MUC5AC: variants seen among roughly 807,000 people sequenced by gnomAD.
The protein encoded by MUC5AC is mucin 5AC, oligomeric mucus/gel-forming, also known as mucin-5AC.
MUC5AC carries 158 observed loss-of-function variants against 169.7 expected under a neutral mutation model. The observed-to-expected ratio is 0.93, with a 90% CI of 0.82 to 1.06. MUC5AC has a LOEUF of 1.06. Among genes scored for constraint, MUC5AC ranks in the 50% least tolerant of loss-of-function variants. The pLI, the probability that MUC5AC is intolerant of heterozygous loss-of-function variation, is 0.00. For synonymous variants in MUC5AC, 1,975 were observed against 1,237.0 expected (o/e 1.60, Z -12.52); for missense variants, 4,359 against 3,089.9 (o/e 1.41, Z -9.74).
Position 1,192,300 on chromosome 11 carries a change from G to A in MUC5AC, c.14155G>A (p.Glu4719Lys), listed in dbSNP as rs578104434. Residue 4719 changes from glutamate to lysine, a missense_variant, in exon 31 of 49, where the codon GAG (glutamate) becomes AAG (lysine). Glu to Lys is a moderately conservative substitution (Grantham distance 56). Transcript: ENST00000621226. ...ACCCTTCAAGATGTGCCTCAACTAC[G>A]AGGTGCGCGTGCTCTGCTGCGAGAC... ...QGPFKMCLNY[E>K]VRVLCCETPR... is the part of the protein sequence containing the mutation. 2.8e-3 allele frequency: 2,150 copies of A among 765,078 alleles called. 10 individuals are homozygous for A. The highest frequency in any genetic ancestry group is 8.3e-3 in the Middle Eastern group (37 of 4,440). The allele number at this position is 765,078 out of a possible 1,614,324, so 47.4% of individuals were successfully genotyped here. A position where few individuals can be genotyped will look rare whatever the true frequency, so the allele number is the denominator to read the frequency against.
At position 1,162,533 on chromosome 11, in the gene MUC5AC, G is replaced by A. The variant is rs910378049; in HGVS notation, c.475G>A (p.Val159Ile). Residue 159 changes from valine (V) to isoleucine (I), a missense_variant and splice_region_variant, in exon 5 of 49, where the codon GTC (valine) becomes ATC (isoleucine). By Grantham distance (29) the Val-to-Ile change is conservative. Coordinates refer to ENST00000621226, the MANE Select transcript of MUC5AC (RefSeq NM_001304359.2). ...KGSVLVNGHP[V>I]LLPFSQSGVL... ...CCTCAGCCCTGCCTTCCTCCACAGGGTCCTGCTGCCCTTCAGCCAGTCTGG... is the reference window on the plus strand; with the variant it reads ...CCTCAGCCCTGCCTTCCTCCACAGGATCCTGCTGCCCTTCAGCCAGTCTGG... The A allele has an allele frequency of 5.0e-6, 8 of 1,612,158 alleles. No individual in the cohort carries two copies. The African/African-American group carries it at 6.7e-5, about 13-fold the overall frequency.
At chr11:1,170,914 C>CAT (rs1860494266) in intron 15 of MUC5AC, among the ~76,000 whole-genome samples, 2 of 133,146 alleles carry the variant, frequency 1.5e-5, no homozygotes, top group African/African-American at 2.9e-5. Flanking sequence ...ACTCACTCAC[C>CAT]TCACTCACTC....
Position 1,192,957 on chromosome 11 carries a change from G to A in MUC5AC, c.14555G>A (p.Cys4852Tyr), listed in dbSNP as rs779331670. 1 of 732,268 alleles carries A rather than the reference G, an allele frequency of 1.4e-6. No individual in the cohort carries two copies. Among genetic ancestry groups the A allele is most frequent in the Non-Finnish European group, 2.5e-6 (1 of 398,698 alleles). 45.4% of individuals were successfully genotyped at this position (732,268 alleles called of 1,614,324 possible). A position where few individuals can be genotyped will look rare whatever the true frequency, so the allele number is the denominator to read the frequency against. The stretch of plus-strand genomic sequence containing the variant: ...TCCGAGCCCGTCACTGAGCTGGGAT[G>A]CCCAAATGCGGTTCCCCCCAGAAAG... ...STSEPVTELG[C>Y]PNAVPPRKKG... Residue 4852 changes from cysteine (C) to tyrosine (Y), a missense_variant, in exon 32 of 49, where the codon TGC becomes TAC. Transcript: ENST00000621226.
intron 1 of MUC5AC, among the ~76,000 whole-genome samples, chr11:1,159,116 C>G (rs1332292185): frequency 6.6e-6 from 1 of 151,960 alleles, no homozygotes; most frequent in African/African-American, 2.4e-5. Context: ...CTCCGTCTCC[C>G]CCACGGGGCT....
At position 1,182,381 on chromosome 11, in the gene MUC5AC, C is replaced by G; in HGVS notation, c.4236C>G (p.Asn1412Lys). The change falls in exon 31 of 49, where the codon AAC becomes AAG. Residue 1412 changes from asparagine to lysine, a missense_variant. Physicochemically the swap from Asn to Lys is moderately conservative, Grantham distance 94. Transcript: ENST00000621226. The part of the protein sequence containing the change: ...TDSGDFDTLE[N>K]LRAHGYRVCE... Reference sequence around the variant, plus strand: ...GCGGTGACTTCGACACACTGGAGAACCTCCGCGCCCATGGGTACCGGGTGT... The same window carrying G: ...GCGGTGACTTCGACACACTGGAGAAGCTCCGCGCCCATGGGTACCGGGTGT... 1 of 398,574 alleles carries G rather than the reference C, an allele frequency of 2.5e-6. No homozygotes were observed. Among genetic ancestry groups the G allele is most frequent in the Non-Finnish European group, 4.4e-6 (1 of 226,022 alleles). The allele number at this position is 398,574 out of a possible 1,614,324, so 24.7% of individuals were successfully genotyped here.
Position 1,194,546 on chromosome 11 carries a change from G to A in MUC5AC, c.15066G>A (p.Ser5022=), listed in dbSNP as rs542220678. The change falls in exon 35 of 49, where the codon TCG becomes TCA. Residue 5022 remains serine (S), a synonymous_variant. Coordinates refer to ENST00000621226, the MANE Select transcript of MUC5AC (RefSeq NM_001304359.2). ...PGFRKNGIVV[S]RIGVKMYATI... ...TCCGGAAAAACGGCATCGTGGTCTC[G>A]CGCATCGGCGTCAAGATGTACGCGA... 6.4e-5 allele frequency: 49 copies of A among 763,962 alleles called. No individual in the cohort carries two copies. The East Asian group carries it at 1.0e-3, about 16-fold the overall frequency. The allele number at this position is 763,962 out of a possible 1,614,324, so 47.3% of individuals were successfully genotyped here. A position where few individuals can be genotyped will look rare whatever the true frequency, so the allele number is the denominator to read the frequency against.
At chr11:1,195,532 G>A (rs1402610068) in intron 36 of MUC5AC, among the ~76,000 whole-genome samples, 1 of 152,098 alleles carries the variant, frequency 6.6e-6, no homozygotes, top group Non-Finnish European at 1.5e-5. Context: ...AGGGTTGGCC[G>A]GCTGGGCCGT....
At chr11:1,200,385 G>A (rs558192500) in intron 48 of MUC5AC, 53 bp from the exon 49 acceptor site, 15 of 638,382 alleles carry the variant, frequency 2.3e-5, no homozygotes, top group South Asian at 3.4e-5. Flanking sequence ...GCCGGCTTAC[G>A]GCAGGAGGCT....
chr11:1,188,984 G>A lies in MUC5AC; in HGVS notation c.10839G>A (p.Val3613=), dbSNP rs1224685614. 7.3e-6 allele frequency: 5 copies of A among 686,608 alleles called. No individual in the cohort carries two copies. Among genetic ancestry groups the A allele is most frequent in the Non-Finnish European group, 1.3e-5 (5 of 379,070 alleles). The allele number at this position is 686,608 out of a possible 1,614,324, so 42.5% of individuals were successfully genotyped here. A position where few individuals can be genotyped will look rare whatever the true frequency, so the allele number is the denominator to read the frequency against. Residue 3613 remains valine, a synonymous_variant, in exon 31 of 49, where the codon GTG becomes GTA. Coordinates refer to ENST00000621226, the MANE Select transcript of MUC5AC (RefSeq NM_001304359.2). ...GPFKMCLNYE[V]RVLCCETPKG... is the part of the protein sequence containing the mutation. ...TCAAGATGTGCCTCAACTACGAGGT[G>A]CGTGTGCTTTGCTGCGAGACCCCCA...
chr11:1,176,106 C>T (rs936978347), intron 19 of MUC5AC, 45 bp from the exon 20 acceptor site: 161 of 363,888 alleles, frequency 4.4e-4, no homozygotes, highest in Middle Eastern at 1.3e-3. Flanking sequence ...TTTGAGGCAC[C>T]GCAGCAGCCT....
Position 1,165,613 on chromosome 11 carries a change from T to C in MUC5AC, c.1248-9T>C, listed in dbSNP as rs779704086. On this transcript the variant is annotated splice_polypyrimidine_tract_variant and intron_variant, in intron 10 of 48. Coordinates refer to ENST00000621226, the MANE Select transcript of MUC5AC (RefSeq NM_001304359.2). ...CCGGCACCCACGTGGCACCATCTCTTGCTCTCAGCACCTGCTCCGGAGGCC... is the reference window on the plus strand; with the variant it reads ...CCGGCACCCACGTGGCACCATCTCTCGCTCTCAGCACCTGCTCCGGAGGCC... 3.6e-5 allele frequency: 58 copies of C among 1,611,510 alleles called. No homozygotes were observed. The Admixed American group carries it at 9.5e-4, about 26-fold the overall frequency.
At chr11:1,159,023 G>A (rs1358018862) in intron 1 of MUC5AC, among the ~76,000 whole-genome samples, 2 of 152,234 alleles carry the variant, frequency 1.3e-5, no homozygotes, top group African/African-American at 4.8e-5. Flanking sequence ...GGAGAGGGCG[G>A]AGCTGGGGCT....
rs1449076697 is a variant in MUC5AC, at chr11:1,177,074, G to A, written c.2793+8G>A. 5.0e-6 allele frequency: 2 copies of A among 398,540 alleles called. No individual in the cohort carries two copies. The highest frequency in any genetic ancestry group is 8.8e-5 in the Admixed American group (2 of 22,710). The allele number at this position is 398,540 out of a possible 1,614,324, so 24.7% of individuals were successfully genotyped here. On this transcript the variant is annotated splice_region_variant and intron_variant, in intron 22 of 48. Coordinates refer to ENST00000621226, the MANE Select transcript of MUC5AC (RefSeq NM_001304359.2). The stretch of plus-strand genomic sequence containing the variant: ...GAGTACACGCTGGTGCAGGTGAGCC[G>A]GCGCGTTTGGGGTCCTCACGGCGGC...
intron 15 of MUC5AC, among the ~76,000 whole-genome samples, chr11:1,171,966 C>T (rs1379917639): frequency 6.6e-6 from 1 of 152,212 alleles, no homozygotes; most frequent in Non-Finnish European, 1.5e-5. Flanking sequence ...CACTCACTCA[C>T]TCACTCACTC....
At chr11:1,167,794 A>G in intron 11 of MUC5AC, 83 bp from the exon 12 acceptor site, 1 of 1,177,096 alleles carries the variant, frequency 8.5e-7, no homozygotes, top group Non-Finnish European at 1.2e-6. Flanking sequence ...GAGGGAGAGG[A>G]GCACAGCCGG....
At position 1,162,527 on chromosome 11, in the gene MUC5AC, C is replaced by T. The variant is rs770990027; in HGVS notation, c.474-5C>T. On this transcript the variant is annotated splice_polypyrimidine_tract_variant and splice_region_variant and intron_variant, in intron 4 of 48. Coordinates refer to ENST00000621226, the MANE Select transcript of MUC5AC (RefSeq NM_001304359.2). Reference sequence around the variant, plus strand: ...CCAGCCCCTCAGCCCTGCCTTCCTCCACAGGGTCCTGCTGCCCTTCAGCCA... The same window carrying T: ...CCAGCCCCTCAGCCCTGCCTTCCTCTACAGGGTCCTGCTGCCCTTCAGCCA... 6.2e-7 allele frequency: 1 copy of T among 1,612,014 alleles called. No homozygotes were observed. Among genetic ancestry groups the T allele is most frequent in the Non-Finnish European group, 8.5e-7 (1 of 1,179,372 alleles).
intron 30 of MUC5AC, 147 bp from the exon 31 acceptor site, chr11:1,182,008 A>G (rs891445282): frequency 1.0e-5 from 4 of 397,854 alleles, no homozygotes; most frequent in Admixed American, 4.4e-5. Context: ...TGTGCCGCTC[A>G]TGTGGGTTCT....
chr11:1,196,239 C>A, intron 37 of MUC5AC, 149 bp from the exon 38 acceptor site: 1 of 646,490 alleles, frequency 1.5e-6, no homozygotes, highest in Admixed American at 2.4e-5. Context: ...GAGCCCGTGG[C>A]GGGGCACTGG....
rs1043478939 is a variant in MUC5AC at position 1,165,892 on chromosome 11, C to T, written c.1386+132C>T. The stretch of plus-strand genomic sequence containing the variant: ...CCTTGGGGGTCCCCGATGTTGAGAC[C>T]TCAAGGAAGCACTCCAGCTCCCCAG... On this transcript the variant is annotated intron_variant, in intron 11 of 48. Coordinates refer to ENST00000621226, the MANE Select transcript of MUC5AC (RefSeq NM_001304359.2). The T allele has an allele frequency of 1.1e-5, 15 of 1,312,122 alleles. No individual in the cohort carries two copies. The African/African-American group carries it at 1.7e-4, about 15-fold the overall frequency. The allele number at this position is 1,312,122 out of a possible 1,614,324, so 81.3% of individuals were successfully genotyped here.
Sources: allele counts gnomAD v4.1 joint callset (sites outside exome capture counted in the v4.1 genomes callset), GRCh38; gene constraint gnomAD v4.1.1; transcripts MANE v1.5; gene names NCBI Gene and HGNC (gene_info 2026-07-23, HGNC 2026-07-21).